NTM: variants seen among roughly 807,000 people sequenced by gnomAD.
The protein encoded by NTM is neurotrimin.
NTM carries 13 observed loss-of-function variants against 42.1 expected under a neutral mutation model. That is an observed-to-expected ratio of 0.31 (90% CI 0.20 to 0.49). The LOEUF (loss-of-function observed/expected upper bound fraction) is 0.49, where lower values mean the gene tolerates loss of function less well. Ranked by LOEUF, NTM falls within the 20% of genes least tolerant of loss-of-function variation. The probability of loss-of-function intolerance (pLI) is 0.99; values close to 1 mark genes in which losing one functional copy is unlikely to be tolerated. For missense variants in NTM, 373 were observed against 452.8 expected (o/e 0.82, Z 1.60); for synonymous variants, 187 against 179.2 (o/e 1.04, Z -0.35).
chr11:131,929,335 TG>T (rs1260712711), intron 2 of NTM, among the ~76,000 whole-genome samples: 5 of 149,970 alleles, frequency 3.3e-5, no homozygotes, highest in South Asian at 2.1e-4. Flanking sequence ...GGGGGGCACA[TG>T]TGGGCGGGGC....
chr11:131,790,839 A>C (rs956352717), intron 1 of NTM, among the ~76,000 whole-genome samples: 3 of 152,206 alleles, frequency 2.0e-5, no homozygotes, highest in African/African-American at 7.2e-5. Context: ...GGCACAGATT[A>C]AAGTTGCAAG....
intron 1 of NTM, among the ~76,000 whole-genome samples, chr11:131,550,798 T>G (rs1266731125): frequency 6.6e-6 from 1 of 152,162 alleles, no homozygotes; most frequent in Non-Finnish European, 1.5e-5. Flanking sequence ...ATCATGCCAC[T>G]GCATTTTAGC....
chr11:131,761,473 T>C (rs2084163836), intron 1 of NTM, among the ~76,000 whole-genome samples: 1 of 152,048 alleles, frequency 6.6e-6, no homozygotes. Flanking sequence ...AATATAGTGA[T>C]GAGGGTGAGG....
chr11:132,095,196 T>G (rs2136459249), intron 2 of NTM, among the ~76,000 whole-genome samples: 1 of 152,348 alleles, frequency 6.6e-6, no homozygotes, highest in Non-Finnish European at 1.5e-5. Flanking sequence ...CTGAGGATCC[T>G]TGAGCTCTTC....
chr11:132,240,712 G>A (rs193192787), intron 4 of NTM, among the ~76,000 whole-genome samples: 21 of 152,276 alleles, frequency 1.4e-4, no homozygotes, highest in African/African-American at 4.1e-4. Flanking sequence ...AAATTTGTTC[G>A]AAAGAACTTG....
intron 4 of NTM, among the ~76,000 whole-genome samples, chr11:132,301,326 C>T (rs1173135798): frequency 1.3e-5 from 2 of 152,176 alleles, no homozygotes; most frequent in East Asian, 3.9e-4. Context: ...TTATCTCCAC[C>T]TGGTCCCTCC....
intron 1 of NTM, among the ~76,000 whole-genome samples, chr11:131,818,509 G>A (rs748850300): frequency 8.5e-5 from 13 of 152,210 alleles, no homozygotes; most frequent in South Asian, 2.1e-4. Flanking sequence ...ATTAATCACC[G>A]TTCAGCACAG....
At chr11:131,537,417 G>T (rs555013797) in intron 1 of NTM, 2 of 152,268 alleles carry the variant, frequency 1.3e-5, no homozygotes, top group East Asian at 3.9e-4. Context: ...AGACAGCTGC[G>T]CAGGGTATAA....
At chr11:132,208,014 G>A (rs923213740) in intron 3 of NTM, among the ~76,000 whole-genome samples, 23 of 152,192 alleles carry the variant, frequency 1.5e-4, no homozygotes, top group Non-Finnish European at 3.4e-4. Flanking sequence ...TTGGCACAAT[G>A]CTGGCATATG....
At chr11:131,657,212 C>G (rs760768930) in intron 1 of NTM, among the ~76,000 whole-genome samples, 2 of 151,546 alleles carry the variant, frequency 1.3e-5, no homozygotes, top group Non-Finnish European at 1.5e-5. Flanking sequence ...GGCCCAGCAT[C>G]AAGCGCTGGC....
intron 1 of NTM, among the ~76,000 whole-genome samples, chr11:131,486,210 A>G (rs1042725353): frequency 1.3e-5 from 2 of 152,092 alleles, no homozygotes; most frequent in African/African-American, 4.8e-5. Flanking sequence ...CAAACACGGG[A>G]CTCTATTGCC....
chr11:131,415,842 A>G (rs931819183), intron 1 of NTM, among the ~76,000 whole-genome samples: 1 of 152,326 alleles, frequency 6.6e-6, no homozygotes, highest in South Asian at 2.1e-4. Flanking sequence ...ACATGGGTTA[A>G]TATCTTGGAG....
In NTM at chr11:132,040,563, T is replaced by G. The variant is rs185626314; in HGVS notation, c.168-105719T>G. 7.2e-5 allele frequency among the ~76,000 whole-genome samples: 11 copies of G among 152,318 alleles called. No homozygotes were observed. The East Asian group carries it at 1.9e-3, about 27-fold the overall frequency. ...GGCAATATTGATATGAACAAATAAT[T>G]AATCCCAGGTGCTACCTGCTTTCTC... On this transcript the variant is annotated intron_variant, in intron 2 of 8. Transcript: ENST00000683400.
chr11:131,856,576 A>T (rs1008302711), intron 1 of NTM, among the ~76,000 whole-genome samples: 2 of 152,232 alleles, frequency 1.3e-5, no homozygotes, highest in African/African-American at 4.8e-5. Flanking sequence ...GCCAAAAATT[A>T]AATGATGAAC....
chr11:131,617,953 G>A (rs1375418980), intron 1 of NTM, among the ~76,000 whole-genome samples: 1 of 152,204 alleles, frequency 6.6e-6, no homozygotes, highest in African/African-American at 2.4e-5. Context: ...TGTCTTAGAA[G>A]AACCAGAGCC....
intron 1 of NTM, among the ~76,000 whole-genome samples, chr11:131,495,700 C>T (rs1032918270): frequency 2.6e-5 from 4 of 152,192 alleles, no homozygotes; most frequent in African/African-American, 9.7e-5. Flanking sequence ...GCCTCCAAGG[C>T]CCAGGGCAAA....
At chr11:131,753,333 C>T (rs979240748) in intron 1 of NTM, among the ~76,000 whole-genome samples, 8 of 151,792 alleles carry the variant, frequency 5.3e-5, no homozygotes, top group African/African-American at 1.7e-4. Context: ...GTCAGTGTGG[C>T]GATTCCTCAG....
intron 6 of NTM, 112 bp downstream of exon 6, chr11:132,310,344 C>A: frequency 8.9e-7 from 1 of 1,125,028 alleles, no homozygotes; most frequent in Non-Finnish European, 1.2e-6. Flanking sequence ...CTCTTCTGAA[C>A]TTATCTCTAT....
At chr11:131,839,861 TAGTC>T (rs572934789) in intron 1 of NTM, among the ~76,000 whole-genome samples, 1 of 152,194 alleles carries the variant, frequency 6.6e-6, no homozygotes, top group Admixed American at 6.5e-5. Context: ...CATTGGGAGA[TAGTC>T]AGTTTCTAGA....
Sources: gnomAD v4.1 joint callset for allele counts (sites outside exome capture counted in the v4.1 genomes callset) on GRCh38, gnomAD v4.1.1 for gene constraint, MANE v1.5 for transcripts, NCBI Gene and HGNC (gene_info 2026-07-23, HGNC 2026-07-21) for gene names.